Variants in NSD3 observed in about 807,000 individuals in gnomAD.
NSD3 encodes nuclear receptor binding SET domain protein 3.
A neutral mutation model predicts 160.8 loss-of-function variants in NSD3; 24 were observed. The ratio of observed to expected loss-of-function variants is 0.15; its 90% confidence interval spans 0.11 to 0.21. NSD3 has a LOEUF of 0.21. Among genes scored for constraint, NSD3 ranks in the 10% least tolerant of loss-of-function variants. NSD3 has a pLI of 1.00. For missense variants in NSD3, 1,157 were observed against 1,735.9 expected (o/e 0.67, Z 5.93); for synonymous variants, 520 against 600.0 (o/e 0.87, Z 1.95).
In NSD3 at chr8:38,339,598, C is replaced by T. The variant is rs146892110; in HGVS notation, c.676-991G>A. Reference sequence around the variant, plus strand: ...AAAATTAGCTGGGTGTGGTGGTGTGCGCCTGTAGTCCAAGCTACTCAGGAG... The same window carrying T: ...AAAATTAGCTGGGTGTGGTGGTGTGTGCCTGTAGTCCAAGCTACTCAGGAG... On this transcript the variant is annotated intron_variant, in intron 2 of 23. Coordinates refer to ENST00000317025, the MANE Select transcript of NSD3 (RefSeq NM_023034.2). Among the ~76,000 whole-genome samples, 319 of 151,786 alleles carry T rather than the reference C, an allele frequency of 2.1e-3. 2 individuals carry two copies. The highest frequency in any genetic ancestry group is 7.3e-3 in the African/African-American group (302 of 41,418).
rs1473532790 is a variant in NSD3 at position 38,304,774 on chromosome 8, C to A, written c.2441-17G>T. ...TCATGCGGCCTGTTTAAAGACAAGT[C>A]AAAAAGGAATCTAATAAGGCATCAG... On this transcript the variant is annotated splice_polypyrimidine_tract_variant and intron_variant, in intron 13 of 23. Coordinates refer to ENST00000317025, the MANE Select transcript of NSD3 (RefSeq NM_023034.2). The A allele has an allele frequency of 3.8e-6, 6 of 1,576,918 alleles. No homozygotes were observed. Among genetic ancestry groups the A allele is most frequent in the Admixed American group, 3.9e-5 (2 of 51,486 alleles).
intron 16 of NSD3, among the ~76,000 whole-genome samples, chr8:38,293,124 A>C (rs1339003726): frequency 6.7e-6 from 1 of 149,972 alleles, no homozygotes. Context: ...GGACAGAGCA[A>C]GACTTTGTCT....
chr8:38,302,985 AGAG>A (rs1426660792), intron 14 of NSD3, among the ~76,000 whole-genome samples: 1 of 152,226 alleles, frequency 6.6e-6, no homozygotes, highest in Non-Finnish European at 1.5e-5. Context: ...GTAGAGCAAA[AGAG>A]AATATTAATT....
chr8:38,355,209 A>G (rs1585918114), intron 1 of NSD3, among the ~76,000 whole-genome samples: 1 of 152,150 alleles, frequency 6.6e-6, no homozygotes, highest in African/African-American at 2.4e-5. Context: ...CAACTTATTC[A>G]GCATCTCTAA....
At position 38,276,310 on chromosome 8, in the gene NSD3, G is replaced by A. The variant is rs1162827194; in HGVS notation, c.4058C>T (p.Thr1353Ile). The A allele has an allele frequency of 3.1e-6, 5 of 1,614,190 alleles. No homozygotes were observed. Among genetic ancestry groups the A allele is most frequent in the Non-Finnish European group, 4.2e-6 (5 of 1,180,040 alleles). ...GTCCAGCTTACCATATGGTGGCTGAGTCAGGTTAAGGCATAGGAGGTGGTA... is the reference window on the plus strand; with the variant it reads ...GTCCAGCTTACCATATGGTGGCTGAATCAGGTTAAGGCATAGGAGGTGGTA... ...KAYHLLCLNL[T>I]QPPYGKWECP... Residue 1353 changes from threonine (T) to isoleucine (I), a missense_variant, in exon 23 of 24, where the codon ACT becomes ATT. Around this residue, in one of 10 missense-constraint regions of NSD3, gnomAD observed 222 missense variants for 409.9 expected, o/e 0.54. Transcript: ENST00000317025.
intron 4 of NSD3, among the ~76,000 whole-genome samples, chr8:38,334,981 A>ATTTT (rs1166396294): frequency 2.3e-5 from 3 of 132,880 alleles, no homozygotes; most frequent in Non-Finnish European, 3.2e-5. Context: ...CCAGGCTAGA[A>ATTTT]TTTTTTTTTT....
At chr8:38,286,219 G>A (rs1808851519) in intron 19 of NSD3, among the ~76,000 whole-genome samples, 1 of 152,148 alleles carries the variant, frequency 6.6e-6, no homozygotes, top group African/African-American at 2.4e-5. Flanking sequence ...GGAAGCAAGT[G>A]GCATGCTGGG....
chr8:38,297,956 T>A (rs1305098635), intron 15 of NSD3, among the ~76,000 whole-genome samples: 1 of 152,136 alleles, frequency 6.6e-6, no homozygotes, highest in African/African-American at 2.4e-5. Flanking sequence ...GTTCTTAATT[T>A]TAAGTCTTAT....
chr8:38,276,148 T>C (rs986204831), intron 23 of NSD3, 148 bp downstream of exon 23: 124 of 934,970 alleles, frequency 1.3e-4, no homozygotes, highest in Non-Finnish European at 1.9e-4. Context: ...ATCCCAAATG[T>C]GTAAGGGGAA....
At chr8:38,314,948 T>C (rs1231294427) in intron 11 of NSD3, among the ~76,000 whole-genome samples, 175 bp from the exon 12 acceptor site, 1 of 152,242 alleles carries the variant, frequency 6.6e-6, no homozygotes, top group Non-Finnish European at 1.5e-5. Flanking sequence ...GCTGATATTG[T>C]TTGTCCTTGG....
chr8:38,319,721 G>A lies in NSD3; in HGVS notation c.1810-781C>T, dbSNP rs1490865082. ...TAAGATGTGGTGAAATATGAATGTT[G>A]AAACACATTTTGTAAATATTTAAGG... On this transcript the variant is annotated intron_variant, in intron 8 of 23. Coordinates refer to ENST00000317025, the MANE Select transcript of NSD3 (RefSeq NM_023034.2). The surrounding 1 kb of genome is among the most constrained non-coding windows in gnomAD (Gnocchi z 4.1). 6.6e-6 allele frequency: 1 copy of A among 152,006 alleles called. No homozygotes were observed. Among genetic ancestry groups the A allele is most frequent in the Non-Finnish European group, 1.5e-5 (1 of 68,004 alleles). The allele number at this position is 152,006 out of a possible 1,614,324, so 9.4% of individuals were successfully genotyped here.
Position 38,317,122 on chromosome 8 carries a change from A to G in NSD3, c.1856-1080T>C. The stretch of plus-strand genomic sequence containing the variant: ...AAACAAGTCTCCTGAGGCCATGAAG[A>G]TCCGCAACAGGCTGAGTGAGAGTAG... On this transcript the variant is annotated intron_variant, in intron 9 of 23. Transcript: ENST00000317025. The surrounding 1 kb of genome is among the most constrained non-coding windows in gnomAD (Gnocchi z 5.3). 9.4e-7 allele frequency: 1 copy of G among 1,062,464 alleles called. No individual in the cohort carries two copies. Among genetic ancestry groups the G allele is most frequent in the Non-Finnish European group, 1.1e-6 (1 of 877,464 alleles). 65.8% of individuals were successfully genotyped at this position (1,062,464 alleles called of 1,614,324 possible).
intron 17 of NSD3, 83 bp downstream of exon 17, chr8:38,290,392 G>A: frequency 7.1e-7 from 1 of 1,399,670 alleles, no homozygotes; most frequent in Non-Finnish European, 1.0e-6. Context: ...TCTAATACCA[G>A]AAATATTAGG....
intron 19 of NSD3, among the ~76,000 whole-genome samples, chr8:38,286,823 C>T (rs56029927): frequency 0.032 from 4,865 of 152,280 alleles, 261 homozygotes; most frequent in African/African-American, 0.11. Flanking sequence ...TCCAGTCTGA[C>T]GTGCTCTTCT....
chr8:38,362,970 T>C (rs1340800500), intron 1 of NSD3, among the ~76,000 whole-genome samples: 2 of 152,226 alleles, frequency 1.3e-5, no homozygotes, highest in Non-Finnish European at 2.9e-5. Flanking sequence ...ACGAGATATT[T>C]AGGTGTCTTT....
rs1809790089 is a variant in NSD3 at position 38,321,212 on chromosome 8, A to C, written c.1709-40T>G. 4 of 1,545,212 alleles carry C rather than the reference A, an allele frequency of 2.6e-6. No homozygotes were observed. Among genetic ancestry groups the C allele is most frequent in the Non-Finnish European group, 3.5e-6 (4 of 1,130,210 alleles). On this transcript the variant is annotated intron_variant, in intron 7 of 23. Coordinates refer to ENST00000317025, the MANE Select transcript of NSD3 (RefSeq NM_023034.2). The surrounding 1 kb of genome is among the most constrained non-coding windows in gnomAD (Gnocchi z 4.7). ...AAACACACAAACAAAAACTCACTTA[A>C]GGATACCTTGACATCTATGTAATTA...
At chr8:38,277,935 ACTT>A (rs1364391680) in intron 22 of NSD3, among the ~76,000 whole-genome samples, 13 of 147,088 alleles carry the variant, frequency 8.8e-5, no homozygotes, top group East Asian at 6.0e-4. Flanking sequence ...ACACAAACAG[ACTT>A]CTTTTTTTTT....
intron 16 of NSD3, among the ~76,000 whole-genome samples, chr8:38,291,250 G>A (rs1808991732): frequency 6.6e-6 from 1 of 152,058 alleles, no homozygotes; most frequent in Non-Finnish European, 1.5e-5. Flanking sequence ...ATGGAATAGT[G>A]GACAGAATGA....
intron 15 of NSD3, among the ~76,000 whole-genome samples, 160 bp from the exon 16 acceptor site, chr8:38,296,112 G>A (rs534994630): frequency 1.8e-4 from 28 of 152,336 alleles, no homozygotes; most frequent in Non-Finnish European, 3.7e-4. Context: ...AAAATAGCAA[G>A]TGAACGTATT....
Sources: allele counts gnomAD v4.1 joint callset (sites outside exome capture counted in the v4.1 genomes callset), GRCh38; gene constraint gnomAD v4.1.1; regional missense constraint gnomAD v4.1.1; non-coding constraint Gnocchi (gnomAD v3.1); transcripts MANE v1.5; gene names NCBI Gene and HGNC (gene_info 2026-07-23, HGNC 2026-07-21).